PGCKA1: variants seen among roughly 807,000 people sequenced by gnomAD.
The protein encoded by PGCKA1 is PDCD10 and GCKIII kinases-associated protein 1.
At chr4:37,535,494 G>T in the PGCKA1 span, among the ~76,000 whole-genome samples, 17 of 152,280 alleles carry the variant, frequency 1.1e-4, no homozygotes, top group East Asian at 2.9e-3. Flanking sequence ...AAGAGCCAGG[G>T]AGGGAGGAGC....
chr4:37,545,593 A>G, the PGCKA1 span, among the ~76,000 whole-genome samples: 1 of 152,348 alleles, frequency 6.6e-6, no homozygotes, highest in South Asian at 2.1e-4. Context: ...TTAAGAGGTC[A>G]GTGACTTTAC....
chr4:37,566,641 T>C, the PGCKA1 span, among the ~76,000 whole-genome samples: 1 of 152,312 alleles, frequency 6.6e-6, no homozygotes, highest in South Asian at 2.1e-4. Context: ...TGGAGTGCAA[T>C]GGCACAATCT....
chr4:37,537,586 T>G, the PGCKA1 span, among the ~76,000 whole-genome samples: 2 of 152,176 alleles, frequency 1.3e-5, no homozygotes, highest in Non-Finnish European at 2.9e-5. Flanking sequence ...TTACCTTTCT[T>G]CAGTCCTGTC....
chr4:37,467,177 CAG>C, the PGCKA1 span, among the ~76,000 whole-genome samples: 134 of 152,196 alleles, frequency 8.8e-4, no homozygotes, highest in African/African-American at 3.1e-3. Flanking sequence ...AATGACATGA[CAG>C]AAATATTCAG....
the PGCKA1 span, among the ~76,000 whole-genome samples, chr4:37,520,853 G>A: frequency 7.2e-5 from 11 of 152,004 alleles, no homozygotes; most frequent in South Asian, 2.1e-4. Context: ...TCCTGACCTC[G>A]CAATCCGCCC....
chr4:37,508,625 TTG>T, the PGCKA1 span, among the ~76,000 whole-genome samples: 2 of 150,626 alleles, frequency 1.3e-5, no homozygotes, highest in Admixed American at 1.3e-4. Flanking sequence ...GTGAATATTA[TTG>T]TGTTTGCTTC....
chr4:37,530,963 C>T, the PGCKA1 span, among the ~76,000 whole-genome samples: 21 of 151,610 alleles, frequency 1.4e-4, no homozygotes, highest in South Asian at 2.7e-3. Flanking sequence ...CCAGCCTGGG[C>T]GACAGAACGA....
chr4:37,470,538 C>G, the PGCKA1 span, among the ~76,000 whole-genome samples: 1 of 152,250 alleles, frequency 6.6e-6, no homozygotes, highest in African/African-American at 2.4e-5. Flanking sequence ...TTGGTGATGG[C>G]TTTTCTTATT....
chr4:37,492,440 G>T, the PGCKA1 span, among the ~76,000 whole-genome samples: 12 of 152,286 alleles, frequency 7.9e-5, no homozygotes, highest in African/African-American at 2.9e-4. The surrounding 1 kb of genome is among the most constrained non-coding windows in gnomAD (Gnocchi z 4.7). Context: ...TGAGCCAGTT[G>T]TTAGGGAGCT....
the PGCKA1 span, among the ~76,000 whole-genome samples, chr4:37,544,942 GC>G: frequency 1.3e-5 from 2 of 151,216 alleles, no homozygotes; most frequent in Non-Finnish European, 2.9e-5. Context: ...CACAACCTCT[GC>G]CCCCCGGGTT....
At chr4:37,471,052 A>G in the PGCKA1 span, among the ~76,000 whole-genome samples, 1 of 152,212 alleles carries the variant, frequency 6.6e-6, no homozygotes, top group Non-Finnish European at 1.5e-5. Flanking sequence ...ATTGAATTCT[A>G]TACTCCCACA....
the PGCKA1 span, among the ~76,000 whole-genome samples, chr4:37,513,998 C>T: frequency 6.6e-6 from 1 of 152,152 alleles, no homozygotes; most frequent in East Asian, 1.9e-4. Flanking sequence ...CACCCTGGGA[C>T]TGCATAATTT....
At chr4:37,553,568 C>A in the PGCKA1 span, among the ~76,000 whole-genome samples, 296 of 152,212 alleles carry the variant, frequency 1.9e-3, 1 homozygote, top group African/African-American at 6.7e-3. Context: ...GTAACATGTA[C>A]CATTATCTTA....
At chr4:37,495,371 T>C in the PGCKA1 span, among the ~76,000 whole-genome samples, 1 of 152,140 alleles carries the variant, frequency 6.6e-6, no homozygotes, top group Non-Finnish European at 1.5e-5. Context: ...GACCCAGCAA[T>C]CCCATTACTG....
chr4:37,590,651 T>G, the PGCKA1 span: 1 of 1,613,994 alleles, frequency 6.2e-7, no homozygotes. Flanking sequence ...GGAGACAACG[T>G]TGATCATAAT....
the PGCKA1 span, among the ~76,000 whole-genome samples, chr4:37,521,264 G>A: frequency 6.6e-6 from 1 of 152,184 alleles, no homozygotes; most frequent in South Asian, 2.1e-4. Flanking sequence ...TGTGGTCTAG[G>A]TGCCACCTCA....
chr4:37,531,085 T>C, the PGCKA1 span, among the ~76,000 whole-genome samples: 1 of 152,256 alleles, frequency 6.6e-6, no homozygotes, highest in South Asian at 2.1e-4. Context: ...ATCTTTACAG[T>C]GACCTGTTAC....
the PGCKA1 span, among the ~76,000 whole-genome samples, chr4:37,578,951 G>A: frequency 7.6e-4 from 115 of 152,208 alleles, no homozygotes; most frequent in African/African-American, 1.2e-3. Context: ...CCAGCTATTC[G>A]GGAGGCTGAG....
the PGCKA1 span, among the ~76,000 whole-genome samples, chr4:37,470,593 G>A: frequency 6.6e-6 from 1 of 152,162 alleles, no homozygotes; most frequent in African/African-American, 2.4e-5. Context: ...AAGTTGGTGA[G>A]TTCATTTTAT....
Sources: allele counts gnomAD v4.1 joint callset (sites outside exome capture counted in the v4.1 genomes callset), GRCh38; gene constraint gnomAD v4.1.1; non-coding constraint Gnocchi (gnomAD v3.1); transcripts MANE v1.5; gene names NCBI Gene and HGNC (gene_info 2026-07-23, HGNC 2026-07-21).